The following TBXAS1 variants were observed in gnomAD, a reference collection of about 807,000 sequenced individuals.
The protein encoded by TBXAS1 is thromboxane A synthase 1.
TBXAS1 carries 48 observed loss-of-function variants against 60.7 expected under a neutral mutation model. That is an observed-to-expected ratio of 0.79 (90% CI 0.63 to 1.01). TBXAS1 has a LOEUF of 1.01. Among genes scored for constraint, TBXAS1 ranks in the 50% least tolerant of loss-of-function variants. The pLI, the probability that TBXAS1 is intolerant of heterozygous loss-of-function variation, is 0.00. For missense variants in TBXAS1, 685 were observed against 686.3 expected (o/e 1.00, Z 0.02); for synonymous variants, 287 against 269.7 (o/e 1.06, Z -0.63).
At chr7:139,949,810 T>C (rs1436782969) in intron 5 of TBXAS1, among the ~76,000 whole-genome samples, 1 of 152,166 alleles carries the variant, frequency 6.6e-6, no homozygotes, top group East Asian at 1.9e-4. Context: ...AGTAAAGCGG[T>C]GCCTGGCTGA....
At chr7:139,859,949 G>C (rs1800848773) in intron 1 of TBXAS1, among the ~76,000 whole-genome samples, 1 of 152,136 alleles carries the variant, frequency 6.6e-6, no homozygotes, top group African/African-American at 2.4e-5. Context: ...GACCAGCCTG[G>C]CCAACATGGT....
chr7:139,780,197 A>G (rs1322048646), intron 1 of TBXAS1, among the ~76,000 whole-genome samples: 1 of 152,104 alleles, frequency 6.6e-6, no homozygotes, highest in African/African-American at 2.4e-5. Context: ...CCACACAGGT[A>G]TGTAACTCCC....
chr7:139,854,659 G>A (rs1194845287), intron 1 of TBXAS1, among the ~76,000 whole-genome samples: 1 of 152,186 alleles, frequency 6.6e-6, no homozygotes, highest in Admixed American at 6.5e-5. Flanking sequence ...GTTGAAGGCA[G>A]AGTTGACAGA....
At chr7:139,995,076 G>C (rs567442494) in intron 9 of TBXAS1, among the ~76,000 whole-genome samples, 1 of 152,200 alleles carries the variant, frequency 6.6e-6, no homozygotes, top group Non-Finnish European at 1.5e-5. Context: ...AAACATCCAG[G>C]CAGGCAGCCT....
chr7:139,800,326 G>A lies in TBXAS1; in HGVS notation c.-80+12900G>A, dbSNP rs571150187. Among the ~76,000 whole-genome samples the A allele has an allele frequency of 5.3e-5, 8 of 152,028 alleles. No individual in the cohort carries two copies. In the South Asian group the frequency reaches 8.3e-4, roughly 16 times the overall value. On this transcript the variant is annotated intron_variant, in intron 4 of 16. Coordinates refer to the TBXAS1 transcript ENST00000336425. Reference sequence around the variant, plus strand: ...TGGCTTATCCTCTCCCTCCCTCCTCGAAGACCTCAATGCACCTGACTGAAC... The same window carrying A: ...TGGCTTATCCTCTCCCTCCCTCCTCAAAGACCTCAATGCACCTGACTGAAC...
chr7:139,941,622 G>T (rs1379501161), intron 5 of TBXAS1, among the ~76,000 whole-genome samples: 3 of 152,136 alleles, frequency 2.0e-5, no homozygotes, highest in African/African-American at 7.2e-5. Context: ...ACTTTTTGTT[G>T]TTGTTGCTGT....
rs1169671062 is a variant in TBXAS1 at position 139,975,130 on chromosome 7, GCCTT to G, written c.1134+12899_1134+12902del. Among the ~76,000 whole-genome samples, 2 of 152,132 alleles carry G rather than the reference GCCTT, an allele frequency of 1.3e-5. No homozygotes were observed. The highest frequency in any genetic ancestry group is 2.9e-5 in the Non-Finnish European group (2 of 68,026). On this transcript the variant is annotated intron_variant, in intron 9 of 12. Transcript: ENST00000448866. This position sits in a 1 kb window ranked among gnomAD's most constrained non-coding sequence, Gnocchi z 4.4. Reference sequence around the variant, plus strand: ...GAAAACCTCAGTTTTTGCTCTTACGGCCTTCAACCGATTGGATGAGGCACGCCCA... The same window carrying G: ...GAAAACCTCAGTTTTTGCTCTTACGGCAACCGATTGGATGAGGCACGCCCA...
At chr7:139,927,518 A>G (rs1467194111) in intron 4 of TBXAS1, among the ~76,000 whole-genome samples, 1 of 152,056 alleles carries the variant, frequency 6.6e-6, no homozygotes, top group Non-Finnish European at 1.5e-5. Flanking sequence ...TATTATTTTC[A>G]ATTGGTTAAT....
intron 2 of TBXAS1, among the ~76,000 whole-genome samples, chr7:139,873,350 G>A (rs1801964927): frequency 6.6e-6 from 1 of 152,200 alleles, no homozygotes. Flanking sequence ...TGAGGACAGG[G>A]ACATTGAAAT....
At position 140,008,906 on chromosome 7, in the gene TBXAS1, G is replaced by T. The variant is rs947376350; in HGVS notation, c.1226+1724G>T. On this transcript the variant is annotated intron_variant, in intron 10 of 12. Coordinates refer to ENST00000448866, the MANE Select transcript of TBXAS1 (RefSeq NM_001061.7). ...CCTTACAGGGCCCCAGAGCTGGCTG[G>T]TAGCTGGGGTCCAGCTGTGGCTTGG... Among the ~76,000 whole-genome samples the T allele has an allele frequency of 4.6e-5, 7 of 152,236 alleles. No homozygotes were observed. The South Asian group carries it at 6.2e-4, about 13-fold the overall frequency.
At chr7:139,927,155 C>A (rs932870057) in intron 4 of TBXAS1, among the ~76,000 whole-genome samples, 3 of 148,664 alleles carry the variant, frequency 2.0e-5, no homozygotes, top group Non-Finnish European at 4.4e-5. Flanking sequence ...CCACCACGCC[C>A]GGCTATTTTT....
intron 1 of TBXAS1, among the ~76,000 whole-genome samples, chr7:139,866,972 A>G (rs1801463434): frequency 6.6e-6 from 1 of 152,184 alleles, no homozygotes; most frequent in Admixed American, 6.5e-5. Flanking sequence ...CCCTGCTTCC[A>G]TTTCTTAACA....
intron 3 of TBXAS1, among the ~76,000 whole-genome samples, chr7:139,901,273 G>A (rs1355615857): frequency 6.7e-6 from 1 of 149,198 alleles, no homozygotes; most frequent in Non-Finnish European, 1.5e-5. Context: ...CAGCTCTGAA[G>A]CAATTCTAAA....
chr7:139,937,161 G>A (rs1183210657), intron 5 of TBXAS1, among the ~76,000 whole-genome samples: 1 of 152,198 alleles, frequency 6.6e-6, no homozygotes, highest in African/African-American at 2.4e-5. Flanking sequence ...CCACAAGGGA[G>A]AGAGAACTTG....
intron 9 of TBXAS1, among the ~76,000 whole-genome samples, chr7:139,996,420 T>C (rs909856509): frequency 1.3e-5 from 2 of 152,044 alleles, no homozygotes; most frequent in African/African-American, 2.4e-5. Context: ...CTTACCCCTA[T>C]CCCAGAGGAC....
chr7:139,929,016 A>G (rs1321825993), intron 4 of TBXAS1, among the ~76,000 whole-genome samples: 2 of 152,190 alleles, frequency 1.3e-5, no homozygotes, highest in Non-Finnish European at 2.9e-5. Flanking sequence ...TTTCAGAGAA[A>G]GAGAAAAACA....
intron 3 of TBXAS1, among the ~76,000 whole-genome samples, chr7:139,877,449 G>A (rs1802330350): frequency 6.6e-6 from 1 of 152,176 alleles, no homozygotes; most frequent in East Asian, 1.9e-4. Flanking sequence ...TTGCAATAGA[G>A]TCTTGCTCTG....
intron 9 of TBXAS1, chr7:139,962,686 G>A: frequency 4.7e-6 from 1 of 212,766 alleles, no homozygotes; most frequent in Non-Finnish European, 9.5e-6. Context: ...AAGACTGGAA[G>A]CTGAGGAGGA....
rs184269562 is a variant in TBXAS1, at chr7:139,911,251, T to A, written c.263T>A (p.Ile88Asn). ...CGYYLGRRMF[I>N]VISEPDMIKQ... ...TACTATCTTGGTCGTCGGATGTTTA[T>A]TGTTATTTCTGAGCCAGACATGATC... Residue 88 changes from isoleucine (I) to asparagine (N), a missense_variant, in exon 4 of 13, where the codon ATT (isoleucine) becomes AAT (asparagine). Ile to Asn is a moderately radical substitution (Grantham distance 149). Transcript: ENST00000448866. 16 of 1,614,094 alleles carry A rather than the reference T, an allele frequency of 9.9e-6. No individual in the cohort carries two copies. The highest frequency in any genetic ancestry group is 1.3e-5 in the Non-Finnish European group (15 of 1,180,040).
Sources: gnomAD v4.1 joint callset for allele counts (sites outside exome capture counted in the v4.1 genomes callset) on GRCh38, gnomAD v4.1.1 for gene constraint, Gnocchi (gnomAD v3.1) non-coding constraint, MANE v1.5 for transcripts, NCBI Gene and HGNC (gene_info 2026-07-23, HGNC 2026-07-21) for gene names.